Variants in NEDD4L observed in about 807,000 individuals in gnomAD.
The protein encoded by NEDD4L is NEDD4 like E3 ubiquitin protein ligase.
A neutral mutation model predicts 148.9 loss-of-function variants in NEDD4L; 54 were observed. The ratio of observed to expected loss-of-function variants is 0.36; its 90% CI spans 0.29 to 0.45. NEDD4L has a LOEUF of 0.45. NEDD4L is among the 20% of genes least tolerant of loss of function. NEDD4L has a pLI of 1.00. For missense variants in NEDD4L, 856 were observed against 1,233.8 expected (o/e 0.69, Z 4.59); for synonymous variants, 433 against 440.7 (o/e 0.98, Z 0.22).
At chr18:58,296,550 C>T (rs2055601603) in intron 5 of NEDD4L, among the ~76,000 whole-genome samples, 1 of 152,232 alleles carries the variant, frequency 6.6e-6, no homozygotes, top group African/African-American at 2.4e-5. Context: ...TGGGGGCTGC[C>T]AGCGGGCTCC....
rs5825266 is a variant in NEDD4L, at chr18:58,144,115, TA to T, written c.49-21659del. ...TCTGGTTATATATTGAGAGCAGCAT[TA>T]AAAAAAAAAAAAAGTCCAATTTAGT... On this transcript the variant is annotated intron_variant, in intron 1 of 30. Coordinates refer to ENST00000400345, the MANE Select transcript of NEDD4L (RefSeq NM_001144967.3). 6.3e-3 allele frequency among the ~76,000 whole-genome samples: 905 copies of T among 142,708 alleles called. 3 individuals carry two copies. The highest frequency in any genetic ancestry group is 0.018 in the Middle Eastern group (5 of 274). 93.6% of individuals were successfully genotyped at this position (142,708 alleles called of 152,430 possible). A position where few individuals can be genotyped will look rare whatever the true frequency, so the allele number is the denominator to read the frequency against.
At chr18:58,056,510 T>G (rs1002843461) in intron 1 of NEDD4L, among the ~76,000 whole-genome samples, 8 of 152,228 alleles carry the variant, frequency 5.3e-5, no homozygotes, top group African/African-American at 1.9e-4. Flanking sequence ...CTGCTTTCCC[T>G]TCTACAGCCT....
At chr18:58,304,947 A>G (rs1230704449) in intron 5 of NEDD4L, among the ~76,000 whole-genome samples, 1 of 152,202 alleles carries the variant, frequency 6.6e-6, no homozygotes, top group East Asian at 1.9e-4. Flanking sequence ...TCCCTTGGCT[A>G]TGACCAGTGA....
At chr18:58,128,618 G>T (rs1448396499) in intron 1 of NEDD4L, among the ~76,000 whole-genome samples, 1 of 152,200 alleles carries the variant, frequency 6.6e-6, no homozygotes, top group Non-Finnish European at 1.5e-5. Context: ...CCTGTAGCAG[G>T]GACGGATGCT....
At chr18:58,081,687 TTG>T (rs1467071212) in intron 1 of NEDD4L, among the ~76,000 whole-genome samples, 1 of 152,200 alleles carries the variant, frequency 6.6e-6, no homozygotes, top group Non-Finnish European at 1.5e-5. Context: ...GATTTATGTT[TTG>T]TTTTTCCACT....
intron 10 of NEDD4L, 97 bp downstream of exon 10, chr18:58,329,224 T>C (rs1259420899): frequency 1.3e-5 from 17 of 1,327,176 alleles, no homozygotes; most frequent in East Asian, 2.5e-5. Context: ...CAGTAAACAT[T>C]GTTGAGAATG....
intron 11 of NEDD4L, among the ~76,000 whole-genome samples, chr18:58,332,052 GAAACAACAT>G: frequency 6.6e-6 from 1 of 152,266 alleles, no homozygotes; most frequent in East Asian, 1.9e-4. Flanking sequence ...TGTTGTTATA[GAAACAACAT>G]AAACAATGAA....
intron 5 of NEDD4L, among the ~76,000 whole-genome samples, chr18:58,273,209 G>A (rs956591227): frequency 6.6e-6 from 1 of 152,330 alleles, no homozygotes; most frequent in East Asian, 1.9e-4. Context: ...GATTGTTCAC[G>A]CTGTAGAACA....
At chr18:58,056,928 T>C in intron 1 of NEDD4L, among the ~76,000 whole-genome samples, 1 of 150,348 alleles carries the variant, frequency 6.7e-6, no homozygotes, top group Non-Finnish European at 1.5e-5. Context: ...TGTTTATAAC[T>C]GTGTACTTGT....
chr18:58,320,803 C>T (rs1256142513), intron 6 of NEDD4L, among the ~76,000 whole-genome samples: 1 of 152,044 alleles, frequency 6.6e-6, no homozygotes, highest in South Asian at 2.1e-4. Context: ...CAGCAGAAGA[C>T]CCTGTCTCTA....
At chr18:58,227,267 G>A (rs994600643) in intron 2 of NEDD4L, among the ~76,000 whole-genome samples, 1 of 152,198 alleles carries the variant, frequency 6.6e-6, no homozygotes, top group African/African-American at 2.4e-5. Context: ...CAGACATGTA[G>A]TGGTGCCAGT....
At chr18:58,255,884 G>A (rs1212588227) in intron 5 of NEDD4L, 19 of 1,232,006 alleles carry the variant, frequency 1.5e-5, no homozygotes, top group South Asian at 4.1e-5. Context: ...GACCAGCATC[G>A]ACGCCCGCCC....
intron 2 of NEDD4L, among the ~76,000 whole-genome samples, chr18:58,231,237 C>CAAAAAAA (rs67220469): frequency 2.2e-5 from 2 of 90,156 alleles, no homozygotes; most frequent in African/African-American, 4.0e-5. Flanking sequence ...GACCCTATCT[C>CAAAAAAA]AAAAAAAAAA....
At chr18:58,251,557 G>C (rs1009700330) in intron 4 of NEDD4L, among the ~76,000 whole-genome samples, 13 of 151,588 alleles carry the variant, frequency 8.6e-5, no homozygotes, top group South Asian at 2.1e-4. Context: ...GTGTGTGTGT[G>C]TCTCTCTCTA....
At chr18:58,092,232 G>A (rs572347691) in intron 1 of NEDD4L, among the ~76,000 whole-genome samples, 3 of 152,336 alleles carry the variant, frequency 2.0e-5, no homozygotes, top group South Asian at 2.1e-4. Context: ...TGGCAACGTC[G>A]GAGATAAAGG....
chr18:58,069,485 T>C (rs2082763623), intron 1 of NEDD4L, among the ~76,000 whole-genome samples: 1 of 152,232 alleles, frequency 6.6e-6, no homozygotes, highest in South Asian at 2.1e-4. Context: ...GTCCTAGGGA[T>C]TCCCCTGGAA....
rs1269768919 is a variant in NEDD4L at position 58,366,148 on chromosome 18, G to T, written c.1983G>T (p.Gly661=). The T allele has an allele frequency of 1.2e-6, 2 of 1,613,546 alleles. No homozygotes were observed. The highest frequency in any genetic ancestry group is 1.7e-6 in the Non-Finnish European group (2 of 1,179,792). The change falls in exon 21 of 31, where the codon GGG becomes GGT. Residue 661 remains glycine, a synonymous_variant. Coordinates refer to ENST00000400345, the MANE Select transcript of NEDD4L (RefSeq NM_001144967.3). This position sits in a 1 kb window ranked among gnomAD's most constrained non-coding sequence, Gnocchi z 4.2. ...EFESEKGLDY[G]GVAREWFFLL... ...AATCAGAGAAAGGTCTTGACTATGGGGGTGTGGCCAGAGAATGGTTCTTCT... is the reference window on the plus strand; with the variant it reads ...AATCAGAGAAAGGTCTTGACTATGGTGGTGTGGCCAGAGAATGGTTCTTCT...
At chr18:58,114,773 C>G (rs952207768) in intron 1 of NEDD4L, among the ~76,000 whole-genome samples, 1 of 152,196 alleles carries the variant, frequency 6.6e-6, no homozygotes, top group Non-Finnish European at 1.5e-5. Flanking sequence ...CCTTGCCTTT[C>G]CCAGTTTCTG....
chr18:58,289,849 G>A (rs1486183712), intron 5 of NEDD4L, among the ~76,000 whole-genome samples: 1 of 152,166 alleles, frequency 6.6e-6, no homozygotes, highest in Non-Finnish European at 1.5e-5. Flanking sequence ...TTTTATAAGT[G>A]TTCAAATTCT....
Sources: gnomAD v4.1 joint callset for allele counts (sites outside exome capture counted in the v4.1 genomes callset) on GRCh38, gnomAD v4.1.1 for gene constraint, Gnocchi (gnomAD v3.1) non-coding constraint, MANE v1.5 for transcripts, NCBI Gene and HGNC (gene_info 2026-07-23, HGNC 2026-07-21) for gene names.